The following SHANK2 variants were observed in gnomAD, a reference collection of about 807,000 sequenced individuals.
SHANK2 encodes SH3 and multiple ankyrin repeat domains 2.
Under a neutral mutation model 133.7 loss-of-function variants are expected in SHANK2, and 43 were observed. The observed-to-expected ratio is 0.32, with a 90% CI of 0.25 to 0.41. The LOEUF is 0.41. Among genes scored for constraint, SHANK2 ranks in the 10% least tolerant of loss-of-function variants. The pLI, the probability that SHANK2 is intolerant of heterozygous loss-of-function variation, is 1.00. For missense variants in SHANK2, 1,994 were observed against 2,235.8 expected (o/e 0.89, Z 2.18); for synonymous variants, 1,017 against 952.8 (o/e 1.07, Z -1.24).
At chr11:71,247,659 T>C (rs1555125209) in intron 1 of SHANK2, among the ~76,000 whole-genome samples, 1 of 152,136 alleles carries the variant, frequency 6.6e-6, no homozygotes, top group African/African-American at 2.4e-5. Flanking sequence ...CAGCTGATCT[T>C]CCTCTCCCTC....
At chr11:71,108,733 G>A (rs1362762677) in intron 6 of SHANK2, among the ~76,000 whole-genome samples, 7 of 152,322 alleles carry the variant, frequency 4.6e-5, no homozygotes, top group Middle Eastern at 3.4e-3. Context: ...ATCCCCGGGG[G>A]CACTCTGTCC....
chr11:71,223,783 G>A (rs1954596594), intron 2 of SHANK2, among the ~76,000 whole-genome samples: 2 of 152,208 alleles, frequency 1.3e-5, no homozygotes, highest in Admixed American at 6.5e-5. Flanking sequence ...CCTGCACGGG[G>A]CACCACCAGG....
At chr11:71,203,603 A>G (rs1162438831) in intron 2 of SHANK2, among the ~76,000 whole-genome samples, 1 of 152,170 alleles carries the variant, frequency 6.6e-6, no homozygotes, top group Non-Finnish European at 1.5e-5. Flanking sequence ...TCAAAAGAAA[A>G]AAAAGAAAAG....
chr11:71,199,114 G>A (rs1319467778), intron 2 of SHANK2, among the ~76,000 whole-genome samples: 1 of 152,220 alleles, frequency 6.6e-6, no homozygotes, highest in African/African-American at 2.4e-5. Context: ...ACCAGAGACA[G>A]TCTCAGCAGT....
At chr11:70,735,564 C>T (rs1418444060) in intron 14 of SHANK2, among the ~76,000 whole-genome samples, 3 of 152,022 alleles carry the variant, frequency 2.0e-5, no homozygotes, top group Non-Finnish European at 2.9e-5. Flanking sequence ...AATAGCTGGG[C>T]GTGGTGGCGG....
chr11:70,834,297 T>G (rs959938049), intron 11 of SHANK2, among the ~76,000 whole-genome samples: 5 of 151,994 alleles, frequency 3.3e-5, no homozygotes, highest in African/African-American at 1.2e-4. Flanking sequence ...CTGAGCCTAT[T>G]TCCACCTTAA....
intron 21 of SHANK2, among the ~76,000 whole-genome samples, chr11:70,498,778 G>C (rs922829858): frequency 6.6e-6 from 1 of 152,280 alleles, no homozygotes. Flanking sequence ...CACAGTTCTG[G>C]AGGCTGGAAG....
intron 2 of SHANK2, among the ~76,000 whole-genome samples, chr11:71,148,050 G>A (rs1489386567): frequency 6.6e-6 from 1 of 151,830 alleles, no homozygotes; most frequent in East Asian, 1.9e-4. Flanking sequence ...AGTCAGGCCA[G>A]GTTGCCAATG....
At chr11:70,929,855 G>C (rs1471093458) in intron 10 of SHANK2, among the ~76,000 whole-genome samples, 1 of 152,138 alleles carries the variant, frequency 6.6e-6, no homozygotes, top group African/African-American at 2.4e-5. Context: ...TCAGATCCTG[G>C]GTGACTACAG....
chr11:71,251,726 G>T (rs1374285616), intron 1 of SHANK2, among the ~76,000 whole-genome samples: 21 of 151,040 alleles, frequency 1.4e-4, no homozygotes, highest in Admixed American at 1.1e-3. Context: ...CGGGCACCCG[G>T]CTGTGGCTCA....
At chr11:70,835,405 C>T (rs958867477) in intron 11 of SHANK2, among the ~76,000 whole-genome samples, 1 of 152,188 alleles carries the variant, frequency 6.6e-6, no homozygotes, top group African/African-American at 2.4e-5. Context: ...AGACATGCTC[C>T]GCCAGTTCTC....
intron 17 of SHANK2, among the ~76,000 whole-genome samples, chr11:70,608,280 A>T (rs1044684695): frequency 6.6e-6 from 1 of 152,054 alleles, no homozygotes; most frequent in Non-Finnish European, 1.5e-5. Context: ...GCCAGAAGGG[A>T]TATTTCTTTC....
In SHANK2 at chr11:70,942,703, G is replaced by A. The variant is rs370405685; in HGVS notation, c.1108-46136C>T. Reference sequence around the variant, plus strand: ...GATACTTCTTCAGGATAGAAACAGTGGATTATAAGTATCTCACCAAGCATC... The same window carrying A: ...GATACTTCTTCAGGATAGAAACAGTAGATTATAAGTATCTCACCAAGCATC... On this transcript the variant is annotated intron_variant, in intron 10 of 25. Coordinates refer to ENST00000601538, the MANE Select transcript of SHANK2 (RefSeq NM_012309.5). The A allele has an allele frequency of 3.5e-4, 161 of 456,690 alleles. 1 individual carries two copies. The East Asian group carries it at 3.7e-3, about 10-fold the overall frequency. 28.3% of individuals were successfully genotyped at this position (456,690 alleles called of 1,614,324 possible).
At chr11:70,630,677 G>A (rs1178179464) in intron 17 of SHANK2, among the ~76,000 whole-genome samples, 3 of 152,160 alleles carry the variant, frequency 2.0e-5, no homozygotes, top group African/African-American at 4.8e-5. Context: ...ACTGGGGGAT[G>A]TGGCCACAAG....
chr11:71,115,618 G>A (rs1951963781), intron 4 of SHANK2, among the ~76,000 whole-genome samples: 2 of 152,144 alleles, frequency 1.3e-5, no homozygotes, highest in East Asian at 1.9e-4. Flanking sequence ...TGGGCCTCAC[G>A]ACCACTCCCG....
intron 10 of SHANK2, among the ~76,000 whole-genome samples, chr11:70,924,648 C>G (rs10732896): frequency 1 from 151,946 of 152,088 alleles, 75,902 homozygotes; most frequent in Non-Finnish European, 1. Flanking sequence ...GTAGAGACAG[C>G]GTTTCGCCAT....
chr11:70,520,585 C>T (rs543497428), intron 17 of SHANK2, among the ~76,000 whole-genome samples: 18 of 152,294 alleles, frequency 1.2e-4, no homozygotes, highest in East Asian at 9.7e-4. Flanking sequence ...TGGGCTCCCC[C>T]GCTGTGAAGT....
At chr11:70,742,513 G>C (rs1313246597) in intron 14 of SHANK2, among the ~76,000 whole-genome samples, 2 of 152,228 alleles carry the variant, frequency 1.3e-5, no homozygotes, top group Non-Finnish European at 2.9e-5. Flanking sequence ...CAAGCTCTGA[G>C]AGGGACGGGG....
intron 14 of SHANK2, among the ~76,000 whole-genome samples, chr11:70,708,391 C>T (rs116613066): frequency 1.0e-3 from 157 of 152,300 alleles, no homozygotes; most frequent in African/African-American, 3.6e-3. Context: ...GGCATCCTTG[C>T]CTCCAATCTC....
Sources: allele counts gnomAD v4.1 joint callset (sites outside exome capture counted in the v4.1 genomes callset), GRCh38; gene constraint gnomAD v4.1.1; transcripts MANE v1.5; gene names NCBI Gene and HGNC (gene_info 2026-07-23, HGNC 2026-07-21).